Variants in CENPL observed in about 807,000 individuals in gnomAD.
CENPL encodes the protein interphase centromere complex protein 33.
Under a neutral mutation model 35.2 loss-of-function variants are expected in CENPL, and 20 were observed. The ratio of observed to expected loss-of-function variants is 0.57; its 90% CI spans 0.40 to 0.83. The LOEUF (loss-of-function observed/expected upper bound fraction) is 0.83, where lower values mean the gene tolerates loss of function less well. CENPL is among the 40% of genes least tolerant of loss of function. CENPL has a pLI of 0.00. For missense variants in CENPL, 363 were observed against 395.8 expected, an observed-to-expected ratio of 0.92 and a Z score of 0.70; for synonymous variants, 140 against 140.6, an observed-to-expected ratio of 1.00 and a Z score of 0.03.
In CENPL at chr1:173,803,535, T is replaced by A. The variant is rs748971870; in HGVS notation, c.421-30A>T. The A allele has an allele frequency of 2.6e-6, 4 of 1,513,590 alleles. No individual in the cohort carries two copies. The African/African-American group carries it at 5.6e-5, about 21-fold the overall frequency. The allele number at this position is 1,513,590 out of a possible 1,614,324, so 93.8% of individuals were successfully genotyped here. The stretch of plus-strand genomic sequence containing the variant: ...AAAGAAAGTAAACAGGCTCCTTAAA[T>A]TCAAAAGTACATTTACTTCTAAATT... On this transcript the variant is annotated intron_variant, in intron 4 of 5. Coordinates refer to ENST00000682279, the MANE Select transcript of CENPL (RefSeq NM_001387287.1).
intron 2 of CENPL, among the ~76,000 whole-genome samples, chr1:173,821,470 G>A (rs1464320460): frequency 6.6e-6 from 1 of 152,054 alleles, no homozygotes; most frequent in Non-Finnish European, 1.5e-5. Context: ...TTAAAGTCTA[G>A]GTGACTTTAA....
At chr1:173,807,609 T>C (rs889262541) in intron 3 of CENPL, 91 bp from the exon 4 acceptor site, 3 of 1,069,742 alleles carry the variant, frequency 2.8e-6, no homozygotes, top group Non-Finnish European at 3.9e-6. Context: ...TACAAATATA[T>C]TATTGAGTAC....
Position 173,807,419 on chromosome 1 carries a change from CTT to C in CENPL, c.266_267del (p.Lys89ArgfsTer4), listed in dbSNP as rs751305497. 6.2e-7 allele frequency: 1 copy of C among 1,612,114 alleles called. No homozygotes were observed. The highest frequency in any genetic ancestry group is 8.5e-7 in the Non-Finnish European group (1 of 1,178,702). On this transcript the variant is annotated frameshift_variant, in exon 4 of 6. Transcript: ENST00000682279. LOFTEE classifies it high-confidence loss of function. ...AAAGCATTGAGAAGTCTAGAATACT[CTT>C]TGAGATTACTATAGGAGAATTTATA... ...PLYKFSYSNLKEYSRLLNAFI... is the reference protein window; with the variant it reads ...PLYKFSYSNLXEYSRLLNAFI...
At chr1:173,821,417 T>A (rs911587233) in intron 2 of CENPL, among the ~76,000 whole-genome samples, 2 of 152,178 alleles carry the variant, frequency 1.3e-5, no homozygotes, top group African/African-American at 4.8e-5. Context: ...CCCTGCTGAA[T>A]TTGACTCCTT....
chr1:173,812,877 G>A (rs1283128600), intron 2 of CENPL, among the ~76,000 whole-genome samples: 1 of 152,106 alleles, frequency 6.6e-6, no homozygotes, highest in Admixed American at 6.6e-5. Flanking sequence ...AAACTTCTCA[G>A]AGCTAAAGGA....
Position 173,807,419 on chromosome 1 carries a change from C to CT in CENPL, c.267dup (p.Glu90ArgfsTer4). 6.2e-7 allele frequency: 1 copy of CT among 1,612,114 alleles called. No individual in the cohort carries two copies. The highest frequency in any genetic ancestry group is 1.3e-5 in the African/African-American group (1 of 74,966). On this transcript the variant is annotated frameshift_variant, in exon 4 of 6. Coordinates refer to ENST00000682279, the MANE Select transcript of CENPL (RefSeq NM_001387287.1). LOFTEE classifies it high-confidence loss of function. Reference sequence around the variant, plus strand: ...AAAGCATTGAGAAGTCTAGAATACTCTTTGAGATTACTATAGGAGAATTTA... The same window carrying CT: ...AAAGCATTGAGAAGTCTAGAATACTCTTTTGAGATTACTATAGGAGAATTTA...
At position 173,811,075 on chromosome 1, in the gene CENPL, T is replaced by C. The variant is rs982487230; in HGVS notation, c.168+57A>G. The C allele has an allele frequency of 6.0e-6, 9 of 1,507,370 alleles. No homozygotes were observed. The Admixed American group carries it at 1.6e-4, about 27-fold the overall frequency. The allele number at this position is 1,507,370 out of a possible 1,614,324, so 93.4% of individuals were successfully genotyped here. A position where few individuals can be genotyped will look rare whatever the true frequency, so the allele number is the denominator to read the frequency against. ...TACTATAGTTACAAAAATTGAAATG[T>C]TTTGTTCACAGATATTCTCAATTAT... On this transcript the variant is annotated intron_variant, in intron 3 of 5. Coordinates refer to ENST00000682279, the MANE Select transcript of CENPL (RefSeq NM_001387287.1).
chr1:173,812,019 G>T (rs111414702), intron 2 of CENPL, among the ~76,000 whole-genome samples: 1 of 152,352 alleles, frequency 6.6e-6, no homozygotes, highest in African/African-American at 2.4e-5. Flanking sequence ...ATTCTCTCCC[G>T]TGCCTGGCTT....
chr1:173,824,672 T>A lies in CENPL; in HGVS notation c.-562A>T, dbSNP rs1335206748. 6.2e-6 allele frequency: 1 copy of A among 160,574 alleles called. No individual in the cohort carries two copies. Among genetic ancestry groups the A allele is most frequent in the African/African-American group, 2.4e-5 (1 of 41,512 alleles). The allele number at this position is 160,574 out of a possible 1,614,324, so 9.9% of individuals were successfully genotyped here. On this transcript the variant is annotated 5_prime_UTR_variant, in exon 1 of 6. Coordinates refer to ENST00000682279, the MANE Select transcript of CENPL (RefSeq NM_001387287.1). ...AATCTTGGGCACTAGCGGGCGGAGT[T>A]GAAGGGCGCTTGGACCCCAGCGGCG...
chr1:173,806,958 A>G (rs1206423927), intron 4 of CENPL, among the ~76,000 whole-genome samples: 2 of 152,210 alleles, frequency 1.3e-5, no homozygotes, highest in East Asian at 1.9e-4. Context: ...TCCTAATGAT[A>G]TAAGTAATTG....
At chr1:173,814,028 T>C (rs1651111265) in intron 2 of CENPL, among the ~76,000 whole-genome samples, 1 of 152,090 alleles carries the variant, frequency 6.6e-6, no homozygotes, top group Admixed American at 6.6e-5. Flanking sequence ...GTTGCAATCC[T>C]AATCTCTGAT....
intron 2 of CENPL, among the ~76,000 whole-genome samples, chr1:173,819,317 T>C (rs750586123): frequency 1.3e-5 from 2 of 152,158 alleles, no homozygotes; most frequent in Non-Finnish European, 2.9e-5. Flanking sequence ...CAGCTGGGCG[T>C]AGTGGCTCAC....
At chr1:173,805,005 C>T (rs142318850) in intron 4 of CENPL, among the ~76,000 whole-genome samples, 4 of 152,338 alleles carry the variant, frequency 2.6e-5, no homozygotes, top group African/African-American at 7.2e-5. Context: ...ATCACACTTT[C>T]ATGACCTAAG....
intron 4 of CENPL, 30 bp downstream of exon 4, chr1:173,807,237 T>C: frequency 1.3e-6 from 2 of 1,495,054 alleles, no homozygotes; most frequent in East Asian, 2.3e-5. Context: ...ACTTTTCCCC[T>C]AGGAAGCAAG....
At chr1:173,811,432 T>G (rs1650813610) in intron 2 of CENPL, 126 bp from the exon 3 acceptor site, 1 of 647,900 alleles carries the variant, frequency 1.5e-6, no homozygotes. Context: ...CTATCCCCAG[T>G]TTTGACTTTT....
At chr1:173,806,952 AATGAT>A (rs1378643319) in intron 4 of CENPL, among the ~76,000 whole-genome samples, 1 of 152,188 alleles carries the variant, frequency 6.6e-6, no homozygotes, top group Admixed American at 6.6e-5. Flanking sequence ...CAGAATTCCT[AATGAT>A]ATAAGTAATT....
intron 5 of CENPL, among the ~76,000 whole-genome samples, chr1:173,801,937 C>T (rs143624238): frequency 8.0e-4 from 121 of 151,930 alleles, no homozygotes; most frequent in African/African-American, 2.6e-3. Flanking sequence ...GCACGAGAAT[C>T]GCTTGAGCCT....
intron 2 of CENPL, among the ~76,000 whole-genome samples, chr1:173,818,618 T>C (rs1470298678): frequency 1.3e-5 from 2 of 151,910 alleles, no homozygotes; most frequent in Non-Finnish European, 2.9e-5. Context: ...AGAGTATGCA[T>C]GTGTGTGTGT....
At position 173,803,191 on chromosome 1, in the gene CENPL, A is replaced by C. The variant is rs1190504676; in HGVS notation, c.735T>G (p.Cys245Trp). 6.2e-7 allele frequency: 1 copy of C among 1,613,758 alleles called. No homozygotes were observed. The highest frequency in any genetic ancestry group is 1.1e-5 in the South Asian group (1 of 91,076). Reference sequence around the variant, plus strand: ...AAGAAATGTCCAGACTTTGAGGGCTACAGGGTACAGACCAAAGAAATTCAG... The same window carrying C: ...AAGAAATGTCCAGACTTTGAGGGCTCCAGGGTACAGACCAAAGAAATTCAG... ...ATTEFLWSVP[C>W]SPQSLDISFA... Residue 245 changes from cysteine to tryptophan, a missense_variant, in exon 5 of 6, where the codon TGT becomes TGG. Transcript: ENST00000682279.
Sources: allele counts gnomAD v4.1 joint callset (sites outside exome capture counted in the v4.1 genomes callset), GRCh38; gene constraint gnomAD v4.1.1; transcripts MANE v1.5; gene names NCBI Gene and HGNC (gene_info 2026-07-23, HGNC 2026-07-21).